The following ABCA1 variants were observed in gnomAD, a reference collection of about 807,000 sequenced individuals.
ABCA1 encodes the protein ATP binding cassette subfamily A member 1, also known as phospholipid-transporting ATPase ABCA1.
ABCA1 carries 133 observed loss-of-function variants against 262.5 expected under a neutral mutation model. The ratio of observed to expected loss-of-function variants is 0.51; its 90% CI spans 0.44 to 0.59. ABCA1 has a LOEUF of 0.59. Ranked by LOEUF, ABCA1 falls within the 20% of genes least tolerant of loss-of-function variation. The pLI is 0.00. For synonymous variants in ABCA1, 1,022 were observed against 1,043.5 expected, an observed-to-expected ratio of 0.98 and a Z score of 0.40; for missense variants, 2,452 against 2,777.5, an observed-to-expected ratio of 0.88 and a Z score of 2.63.
rs747573921 is a variant in ABCA1, at chr9:104,831,834, G to A, written c.1510-7C>T. 1.9e-6 allele frequency: 3 copies of A among 1,613,938 alleles called. No homozygotes were observed. The highest frequency in any genetic ancestry group is 2.7e-5 in the African/African-American group (2 of 74,926). On this transcript the variant is annotated splice_polypyrimidine_tract_variant and splice_region_variant and intron_variant, in intron 12 of 49. Coordinates refer to ENST00000374736, the MANE Select transcript of ABCA1 (RefSeq NM_005502.4). ...GCTTGTTCAGGTTGACACACTGATA[G>A]AAGAACAGCCTTCATGAGAACGTTG...
chr9:104,824,514 T>A lies in ABCA1; in HGVS notation c.2607A>T (p.Glu869Asp), dbSNP rs1255744285. The A allele has an allele frequency of 8.7e-6, 14 of 1,614,032 alleles. No individual in the cohort carries two copies. The highest frequency in any genetic ancestry group is 1.7e-5 in the Admixed American group (1 of 60,008). The change falls in exon 18 of 50, where the codon GAA (glutamate) becomes GAT (aspartate). Residue 869 changes from glutamate (E) to aspartate (D), a missense_variant. Physicochemically the swap from Glu to Asp is conservative, Grantham distance 45 (BLOSUM62 2). Transcript: ENST00000374736. ...PCTKSYWFGEESDEKSHPGSN... is the reference protein window; with the variant it reads ...PCTKSYWFGEDSDEKSHPGSN... ...AACCAGGGTGGCTCTTCTCATCACT[T>A]TCCTCGCCAAACCAGTAGGACTTGG...
At chr9:104,901,946 C>G (rs2118422445) in intron 2 of ABCA1, among the ~76,000 whole-genome samples, 1 of 152,146 alleles carries the variant, frequency 6.6e-6, no homozygotes, top group South Asian at 2.1e-4. Flanking sequence ...TAAGTGTTTG[C>G]TTTTATTTTA....
At chr9:104,855,063 AG>A in intron 7 of ABCA1, 1 of 731,308 alleles carries the variant, frequency 1.4e-6, no homozygotes, top group African/African-American at 1.9e-5. Context: ...GTACGGACTG[AG>A]ACATAAATAA....
chr9:104,896,149 A>G (rs1840176142), intron 2 of ABCA1, among the ~76,000 whole-genome samples: 1 of 152,198 alleles, frequency 6.6e-6, no homozygotes, highest in Admixed American at 6.5e-5. Context: ...GCTGCAAATG[A>G]TTTGCAAGTA....
In ABCA1 at chr9:104,781,794, C is replaced by A. The variant is rs1208446004; in HGVS notation, c.*2521G>T. The A allele has an allele frequency of 6.6e-6, 1 of 152,540 alleles. No homozygotes were observed. The highest frequency in any genetic ancestry group is 1.5e-5 in the Non-Finnish European group (1 of 67,994). 9.4% of individuals were successfully genotyped at this position (152,540 alleles called of 1,614,324 possible). ...TTTTGAACACGTATTTTGAGAATTTCTGAAACTCACATAGGTACATTCCAC... is the reference window on the plus strand; with the variant it reads ...TTTTGAACACGTATTTTGAGAATTTATGAAACTCACATAGGTACATTCCAC... On this transcript the variant is annotated 3_prime_UTR_variant, in exon 50 of 50. Coordinates refer to ENST00000374736, the MANE Select transcript of ABCA1 (RefSeq NM_005502.4).
intron 5 of ABCA1, among the ~76,000 whole-genome samples, chr9:104,867,793 T>C (rs1315019988): frequency 6.6e-6 from 1 of 152,220 alleles, no homozygotes; most frequent in Non-Finnish European, 1.5e-5. Context: ...AGACCAATCA[T>C]TCCACACAAG....
At chr9:104,857,004 C>T (rs1316844852) in intron 7 of ABCA1, among the ~76,000 whole-genome samples, 1 of 152,126 alleles carries the variant, frequency 6.6e-6, no homozygotes, top group Non-Finnish European at 1.5e-5. Context: ...ATATACCTTA[C>T]TTTAAAATTA....
chr9:104,882,903 A>T, intron 5 of ABCA1, 136 bp downstream of exon 5: 1 of 921,794 alleles, frequency 1.1e-6, no homozygotes, highest in Non-Finnish European at 1.8e-6. Context: ...GAGGGGCCCC[A>T]CAGGCCAGCC....
At chr9:104,798,720 G>A (rs1830098816) in intron 36 of ABCA1, 122 bp from the exon 37 acceptor site, 4 of 859,946 alleles carry the variant, frequency 4.7e-6, no homozygotes, top group Admixed American at 2.0e-5. Context: ...CTGAGGCACA[G>A]CCCAAGGAAA....
chr9:104,862,794 A>T lies in ABCA1; in HGVS notation c.422-994T>A, dbSNP rs149393216. ...AGCGGCCCTGGGATGCGACTGGAGA[A>T]TCACTTACAGGTGATGCTGATGCTG... is the stretch of plus-strand genomic sequence containing the variant. On this transcript the variant is annotated intron_variant, in intron 5 of 49. Coordinates refer to ENST00000374736, the MANE Select transcript of ABCA1 (RefSeq NM_005502.4). Among the ~76,000 whole-genome samples, 219 of 116,926 alleles carry T rather than the reference A, an allele frequency of 1.9e-3. 8 individuals carry two copies. Among genetic ancestry groups the T allele is most frequent in the African/African-American group, 6.1e-3 (208 of 33,826 alleles). 76.7% of individuals were successfully genotyped at this position (116,926 alleles called of 152,430 possible).
chr9:104,860,355 C>T (rs989271069), intron 6 of ABCA1, among the ~76,000 whole-genome samples: 1 of 152,174 alleles, frequency 6.6e-6, no homozygotes, highest in African/African-American at 2.4e-5. Context: ...CTTTCAAAAG[C>T]CTGATGCCTT....
At chr9:104,797,781 G>C (rs1830024874) in intron 37 of ABCA1, among the ~76,000 whole-genome samples, 1 of 152,208 alleles carries the variant, frequency 6.6e-6, no homozygotes, top group Non-Finnish European at 1.5e-5. Context: ...GAGTATGAGA[G>C]TTATTTTTAA....
intron 21 of ABCA1, 41 bp downstream of exon 21, chr9:104,819,886 G>C (rs1194774654): frequency 6.2e-7 from 1 of 1,609,758 alleles, no homozygotes; most frequent in Admixed American, 1.7e-5. Context: ...GTAGCCGGAG[G>C]AGGAGGGGAG....
In ABCA1 at chr9:104,809,465, C is replaced by T. The variant is rs1371879163; in HGVS notation, c.4274+1G>A. 2 of 1,613,990 alleles carry T rather than the reference C, an allele frequency of 1.2e-6. No homozygotes were observed. Among genetic ancestry groups the T allele is most frequent in the Non-Finnish European group, 1.7e-6 (2 of 1,179,980 alleles). On this transcript the variant is annotated splice_donor_variant, in intron 30 of 49. Transcript: ENST00000374736. LOFTEE classifies it high-confidence loss of function. The stretch of plus-strand genomic sequence containing the variant: ...CTGCTTATGGCTAAAGTGGCACTCA[C>T]GGGATTGGGTTTCCTTCCATACAGC...
intron 1 of ABCA1, among the ~76,000 whole-genome samples, chr9:104,916,584 G>A (rs917016746): frequency 6.6e-6 from 1 of 152,206 alleles, no homozygotes; most frequent in Admixed American, 6.5e-5. Context: ...GGATTAAAGA[G>A]GCAAGAGACT....
intron 2 of ABCA1, among the ~76,000 whole-genome samples, chr9:104,900,792 A>C (rs756307998): frequency 1.2e-4 from 19 of 152,138 alleles, no homozygotes; most frequent in Non-Finnish European, 2.5e-4. Flanking sequence ...TTCCAACTCT[A>C]ACAATCTAAG....
intron 7 of ABCA1, among the ~76,000 whole-genome samples, chr9:104,856,401 G>A (rs910506561): frequency 1.3e-5 from 2 of 152,080 alleles, no homozygotes; most frequent in Non-Finnish European, 2.9e-5. Context: ...GAAAGCACCT[G>A]GTAGTAGCCA....
Position 104,884,410 on chromosome 9 carries a change from C to A in ABCA1, c.302+17G>T, listed in dbSNP as rs367919230. 2.7e-5 allele frequency: 44 copies of A among 1,613,970 alleles called. No homozygotes were observed. The highest frequency in any genetic ancestry group is 3.6e-5 in the Non-Finnish European group (43 of 1,179,998). On this transcript the variant is annotated intron_variant, in intron 4 of 49. Transcript: ENST00000374736. ...TTAACTGACAAGTTTGGAAAGAAAA[C>A]CTGATCTGATACTTACATGGATTTG...
chr9:104,902,928 A>G (rs1840784523), intron 2 of ABCA1, among the ~76,000 whole-genome samples: 1 of 152,190 alleles, frequency 6.6e-6, no homozygotes, highest in Non-Finnish European at 1.5e-5. Context: ...AATGCATCCT[A>G]GAGATGGGAT....
Sources: allele counts gnomAD v4.1 joint callset (sites outside exome capture counted in the v4.1 genomes callset), GRCh38; gene constraint gnomAD v4.1.1; transcripts MANE v1.5; gene names NCBI Gene and HGNC (gene_info 2026-07-23, HGNC 2026-07-21).